ZNF732: variants seen among roughly 807,000 people sequenced by gnomAD.
The protein encoded by ZNF732 is zinc finger protein 732.
ZNF732 carries 12 observed loss-of-function variants against 11.5 expected under a neutral mutation model. The observed-to-expected ratio is 1.05, with a 90% CI of 0.67 to 1.70. The LOEUF (loss-of-function observed/expected upper bound fraction) is 1.70, where lower values mean the gene tolerates loss of function less well. Ranked by LOEUF, ZNF732 falls within the 40% of genes most tolerant of loss-of-function variation. The probability of loss-of-function intolerance (pLI) is 0.00; values close to 1 mark genes in which losing one functional copy is unlikely to be tolerated. For missense variants in ZNF732, 702 were observed against 676.9 expected (o/e 1.04, Z -0.41); for synonymous variants, 231 against 236.5 (o/e 0.98, Z 0.21).
intron 3 of ZNF732, 28 bp downstream of exon 3, chr4:295,410 G>GT: frequency 1.3e-6 from 2 of 1,574,030 alleles, no homozygotes; most frequent in Non-Finnish European, 1.7e-6. Flanking sequence ...CCTGGCCTGT[G>GT]TCCTCTCCTT....
intron 3 of ZNF732, among the ~76,000 whole-genome samples, chr4:295,158 TG>T (rs1419053646): frequency 2.6e-5 from 4 of 152,240 alleles, no homozygotes; most frequent in African/African-American, 7.2e-5. Flanking sequence ...CCAAATGCAA[TG>T]GAACAGCAGT....
rs917689425 is a variant in ZNF732 at position 305,410 on chromosome 4, G to A, written c.-100C>T. The A allele has an allele frequency of 3.2e-6, 5 of 1,538,868 alleles. No homozygotes were observed. Among genetic ancestry groups the A allele is most frequent in the African/African-American group, 1.4e-5 (1 of 73,558 alleles). ...CTGAGGCTGTGACCGAATCACCGAC[G>A]CCTCCCTGAGGGGTGAAAGCACGGC... On this transcript the variant is annotated 5_prime_UTR_variant, in exon 1 of 4. Transcript: ENST00000419098.
At chr4:283,440 A>G (rs1283426571) in intron 3 of ZNF732, among the ~76,000 whole-genome samples, 1 of 152,178 alleles carries the variant, frequency 6.6e-6, no homozygotes, top group Admixed American at 6.6e-5. Flanking sequence ...ATTCCATGCC[A>G]GTAATAACTA....
chr4:305,320 T>A lies in ZNF732; in HGVS notation c.-10A>T, dbSNP rs554367169. The A allele has an allele frequency of 8.7e-6, 14 of 1,607,798 alleles. No individual in the cohort carries two copies. The South Asian group carries it at 1.4e-4, about 16-fold the overall frequency. ...CCCCCACACTCACCATTTCCCCACT[T>A]CAGGGGTGTAGCGGAGTCTCAGCTA... is the stretch of plus-strand genomic sequence containing the variant. On this transcript the variant is annotated 5_prime_UTR_variant, in exon 1 of 4. Coordinates refer to ENST00000419098, the MANE Select transcript of ZNF732 (RefSeq NM_001137608.3).
chr4:300,454 CAAAAAA>C (rs559629684), intron 1 of ZNF732, among the ~76,000 whole-genome samples: 4 of 58,646 alleles, frequency 6.8e-5, no homozygotes, highest in Non-Finnish European at 1.1e-4. Flanking sequence ...GACTCTGTCT[CAAAAAA>C]AAAAAAAAAA....
At chr4:300,586 C>G (rs150529135) in intron 1 of ZNF732, among the ~76,000 whole-genome samples, 1 of 152,018 alleles carries the variant, frequency 6.6e-6, no homozygotes, top group Non-Finnish European at 1.5e-5. Context: ...TAACACATCA[C>G]TGGGTCTGAT....
intron 3 of ZNF732, among the ~76,000 whole-genome samples, chr4:277,492 G>A (rs1278683675): frequency 6.6e-6 from 1 of 151,634 alleles, no homozygotes; most frequent in Non-Finnish European, 1.5e-5. Context: ...AAATACAGAT[G>A]GCCAAAAAGT....
intron 3 of ZNF732, among the ~76,000 whole-genome samples, chr4:294,887 T>A (rs1553841934): frequency 6.6e-6 from 1 of 152,224 alleles, no homozygotes; most frequent in Non-Finnish European, 1.5e-5. Flanking sequence ...ACATTACATT[T>A]TTTCATATTT....
intron 3 of ZNF732, among the ~76,000 whole-genome samples, chr4:272,882 CAA>C (rs1281994850): frequency 6.6e-6 from 1 of 152,046 alleles, no homozygotes; most frequent in Non-Finnish European, 1.5e-5. Flanking sequence ...GAACAGGATA[CAA>C]AGTTTGTTAC....
At chr4:302,819 G>A (rs1216186427) in intron 1 of ZNF732, among the ~76,000 whole-genome samples, 8 of 152,202 alleles carry the variant, frequency 5.3e-5, no homozygotes, top group African/African-American at 1.9e-4. Flanking sequence ...CACTTTGGGA[G>A]GCCGAGGTGG....
chr4:270,696 ATTATGAATT>A lies in ZNF732; in HGVS notation c.*394_*402del. 2.6e-6 allele frequency: 1 copy of A among 390,592 alleles called. No individual in the cohort carries two copies. Among genetic ancestry groups the A allele is most frequent in the South Asian group, 2.4e-5 (1 of 41,838 alleles). 24.2% of individuals were successfully genotyped at this position (390,592 alleles called of 1,614,324 possible). A position where few individuals can be genotyped will look rare whatever the true frequency, so the allele number is the denominator to read the frequency against. On this transcript the variant is annotated 3_prime_UTR_variant, in exon 4 of 4. Coordinates refer to ENST00000419098, the MANE Select transcript of ZNF732 (RefSeq NM_001137608.3). ...CCTTACATTTGTAGGTGTTCTCTCC[ATTATGAATT>A]TTCTCATGTTTATTTATGGGTGAGG...
In ZNF732 at chr4:272,061, T is replaced by A; in HGVS notation, c.796A>T (p.Thr266Ser). The A allele has an allele frequency of 1.2e-6, 2 of 1,611,572 alleles. No individual in the cohort carries two copies. The highest frequency in any genetic ancestry group is 1.1e-5 in the South Asian group (1 of 90,816). The change falls in exon 4 of 4, where the codon ACT becomes TCT. Residue 266 changes from threonine to serine, a missense_variant. By Grantham distance (58) the Thr-to-Ser change is moderately conservative. Coordinates refer to ENST00000419098, the MANE Select transcript of ZNF732 (RefSeq NM_001137608.3). The stretch of plus-strand genomic sequence containing the variant: ...TCAGCATGAATTCTCTTATGCTTAG[T>A]AAGGGTTGAGGACCTATTAAAGGCT... ...GKAFNRSSTL[T>S]KHKRIHAEEK...
chr4:291,808 T>C (rs1719847179), intron 3 of ZNF732, among the ~76,000 whole-genome samples: 1 of 152,230 alleles, frequency 6.6e-6, no homozygotes, highest in Non-Finnish European at 1.5e-5. Flanking sequence ...TACCTTCTAA[T>C]TTTAAACTTT....
chr4:299,158 G>A (rs1403561459), intron 1 of ZNF732, among the ~76,000 whole-genome samples: 1 of 151,860 alleles, frequency 6.6e-6, no homozygotes, highest in African/African-American at 2.4e-5. Context: ...ACAGTAAGCA[G>A]AGTAAAACCA....
intron 1 of ZNF732, among the ~76,000 whole-genome samples, chr4:302,078 G>A (rs1380428085): frequency 6.6e-6 from 1 of 152,234 alleles, no homozygotes; most frequent in African/African-American, 2.4e-5. Context: ...AGAAGCGACT[G>A]TAGATAGAAG....
In ZNF732 at chr4:277,292, T is replaced by C. The variant is rs1337122342; in HGVS notation, c.227-4662A>G. Among the ~76,000 whole-genome samples the C allele has an allele frequency of 2.0e-5, 3 of 151,892 alleles. No individual in the cohort carries two copies. In the East Asian group the frequency reaches 5.8e-4, roughly 29 times the overall value. The stretch of plus-strand genomic sequence containing the variant: ...AAGAAGCAAAAATATGCAAACGGGA[T>C]TACAAGAAACTAAAAATGCTTTGCA... On this transcript the variant is annotated intron_variant, in intron 3 of 3. Coordinates refer to ENST00000419098, the MANE Select transcript of ZNF732 (RefSeq NM_001137608.3).
At chr4:300,141 G>A (rs947700294) in intron 1 of ZNF732, among the ~76,000 whole-genome samples, 2 of 151,506 alleles carry the variant, frequency 1.3e-5, no homozygotes, top group Non-Finnish European at 2.9e-5. Context: ...GGGTTATAGT[G>A]TCAAGTATGA....
At chr4:289,093 G>A (rs1719788899) in intron 3 of ZNF732, among the ~76,000 whole-genome samples, 1 of 152,242 alleles carries the variant, frequency 6.6e-6, no homozygotes, top group African/African-American at 2.4e-5. Context: ...AGCCAAGCAA[G>A]AGTGAGTCAT....
Position 272,383 on chromosome 4 carries a change from T to C in ZNF732, c.474A>G (p.Gln158=). 6.3e-7 allele frequency: 1 copy of C among 1,599,728 alleles called. No individual in the cohort carries two copies. The highest frequency in any genetic ancestry group is 8.5e-7 in the Non-Finnish European group (1 of 1,171,980). ...KVFSTFSNSN[Q]RRIRHTGEKH... ...TCTCTCCAGTATGTCTTATCCTACG[T>C]TGGTTTGAATTTGAAAATGTACTAA... Residue 158 remains glutamine (Q), a synonymous_variant, in exon 4 of 4, where the codon CAA becomes CAG. Coordinates refer to ENST00000419098, the MANE Select transcript of ZNF732 (RefSeq NM_001137608.3).
Sources: gnomAD v4.1 joint callset for allele counts (sites outside exome capture counted in the v4.1 genomes callset) on GRCh38, gnomAD v4.1.1 for gene constraint, MANE v1.5 for transcripts, NCBI Gene and HGNC (gene_info 2026-07-23, HGNC 2026-07-21) for gene names.